The following LRRC37A2 variants were observed in gnomAD, a reference collection of about 807,000 sequenced individuals.
The protein encoded by LRRC37A2 is leucine rich repeat containing 37 member A2.
A neutral mutation model predicts 68.8 loss-of-function variants in LRRC37A2; 9 were observed. The ratio of observed to expected loss-of-function variants is 0.13; its 90% CI spans 0.08 to 0.23. LRRC37A2 has a LOEUF of 0.23. LRRC37A2 is among the 10% of genes least tolerant of loss of function. The pLI is 1.00. For synonymous variants in LRRC37A2, 63 were observed against 367.6 expected (o/e 0.17, Z 9.48); for missense variants, 168 against 950.4 (o/e 0.18, Z 10.82).
At chr17:46,944,274 G>A in the LRRC37A2 span, among the ~76,000 whole-genome samples, 4 of 152,242 alleles carry the variant, frequency 2.6e-5, no homozygotes, top group Non-Finnish European at 2.9e-5. Flanking sequence ...TGGTTACAGC[G>A]GCCGGAGGCT....
chr17:46,999,444 G>A, the LRRC37A2 span, among the ~76,000 whole-genome samples: 2 of 152,148 alleles, frequency 1.3e-5, no homozygotes, highest in Non-Finnish European at 2.9e-5. Context: ...GAACTCCCAG[G>A]CTCAAGGGAT....
At chr17:46,914,384 C>T in the LRRC37A2 span, among the ~76,000 whole-genome samples, 1 of 151,978 alleles carries the variant, frequency 6.6e-6, no homozygotes, top group East Asian at 2.0e-4. Flanking sequence ...CGCAGTGGCT[C>T]ACGCCTGTAA....
At chr17:46,773,522 T>G in the LRRC37A2 span, 1 of 909,748 alleles carries the variant, frequency 1.1e-6, no homozygotes, top group Non-Finnish European at 1.7e-6. Flanking sequence ...CCTGGGAAGG[T>G]GTGGCAGTCA....
chr17:46,844,096 G>A, the LRRC37A2 span, among the ~76,000 whole-genome samples: 1 of 152,060 alleles, frequency 6.6e-6, no homozygotes, highest in Admixed American at 6.6e-5. Context: ...TGGGACTACA[G>A]GCATGTGCCA....
the LRRC37A2 span, among the ~76,000 whole-genome samples, chr17:46,460,529 A>G: frequency 1.7e-5 from 1 of 60,350 alleles, no homozygotes; most frequent in Non-Finnish European, 3.7e-5. Context: ...CAGCCTCTAG[A>G]TATTGGAATT....
the LRRC37A2 span, among the ~76,000 whole-genome samples, chr17:46,924,974 T>G: frequency 6.6e-6 from 1 of 152,136 alleles, no homozygotes; most frequent in Non-Finnish European, 1.5e-5. Flanking sequence ...ATTTAGAGAG[T>G]CTTAGACTAC....
the LRRC37A2 span, among the ~76,000 whole-genome samples, chr17:46,657,235 T>C: frequency 1.0e-5 from 1 of 100,490 alleles, no homozygotes; most frequent in South Asian, 4.5e-4. Flanking sequence ...CAAAAAGGAT[T>C]CACAAGTGTA....
the LRRC37A2 span, chr17:46,504,509 C>T: frequency 7.2e-5 from 1 of 13,968 alleles, no homozygotes; most frequent in African/African-American, 7.8e-4. Flanking sequence ...AATGAAGAGA[C>T]CATGGTGCCA....
chr17:46,400,108 C>T, the LRRC37A2 span, among the ~76,000 whole-genome samples: 1 of 143,054 alleles, frequency 7.0e-6, no homozygotes, highest in Admixed American at 7.0e-5. Context: ...CACAGGGCTT[C>T]CTCCTCTTGC....
chr17:46,958,334 G>A, the LRRC37A2 span, among the ~76,000 whole-genome samples: 3 of 152,226 alleles, frequency 2.0e-5, no homozygotes, highest in African/African-American at 7.2e-5. Context: ...GATCTCCATG[G>A]CAACAATTAC....
the LRRC37A2 span, among the ~76,000 whole-genome samples, chr17:46,824,916 T>G: frequency 2.0e-5 from 3 of 152,158 alleles, no homozygotes; most frequent in African/African-American, 7.2e-5. Context: ...CTGCCTCCAG[T>G]GGGATGAGAT....
chr17:46,722,129 G>A, the LRRC37A2 span: 51 of 1,611,696 alleles, frequency 3.2e-5, no homozygotes, highest in African/African-American at 1.9e-4. Flanking sequence ...CCGGCTTCTC[G>A]CCATTGGGCT....
the LRRC37A2 span, among the ~76,000 whole-genome samples, chr17:46,925,619 A>G: frequency 1.3e-5 from 2 of 152,220 alleles, no homozygotes; most frequent in South Asian, 2.1e-4. Context: ...GACTTTCACA[A>G]GAAACACGTG....
the LRRC37A2 span, among the ~76,000 whole-genome samples, chr17:46,739,484 A>G: frequency 6.6e-6 from 1 of 150,636 alleles, no homozygotes; most frequent in Non-Finnish European, 1.5e-5. Flanking sequence ...GGCTGCAGTG[A>G]GTGGAGATCA....
the LRRC37A2 span, among the ~76,000 whole-genome samples, chr17:46,716,557 T>C: frequency 6.6e-6 from 1 of 152,078 alleles, no homozygotes; most frequent in Non-Finnish European, 1.5e-5. Flanking sequence ...GCGCCCGGCC[T>C]GCACCTCCAT....
the LRRC37A2 span, among the ~76,000 whole-genome samples, chr17:46,905,588 A>T: frequency 2.6e-5 from 4 of 152,214 alleles, no homozygotes; most frequent in Non-Finnish European, 4.4e-5. Context: ...TATGAAACAG[A>T]AGAAAATCTA....
the LRRC37A2 span, chr17:46,769,968 T>C: frequency 1.2e-6 from 2 of 1,612,124 alleles, no homozygotes; most frequent in Non-Finnish European, 1.7e-6. Flanking sequence ...ATGGTGGAGG[T>C]GCCCTCGGCG....
the LRRC37A2 span, among the ~76,000 whole-genome samples, chr17:46,951,177 C>T: frequency 5.3e-5 from 8 of 152,330 alleles, no homozygotes; most frequent in Admixed American, 2.6e-4. Flanking sequence ...TGCCAGACCA[C>T]GCTGTCCCTA....
the LRRC37A2 span, chr17:46,713,034 T>G: frequency 6.6e-6 from 1 of 151,840 alleles, no homozygotes; most frequent in African/African-American, 2.4e-5. Context: ...TGAGGATGGG[T>G]GGGAGGTGAA....
Sources: gnomAD v4.1 joint callset for allele counts (sites outside exome capture counted in the v4.1 genomes callset) on GRCh38, gnomAD v4.1.1 for gene constraint, MANE v1.5 for transcripts, NCBI Gene and HGNC (gene_info 2026-07-23, HGNC 2026-07-21) for gene names.